The following COL14A1 variants were observed in gnomAD, a reference collection of about 807,000 sequenced individuals.
The protein encoded by COL14A1 is collagen alpha-1(XIV) chain.
In COL14A1, 136 loss-of-function variants were observed where a neutral mutation model predicts 230.3. The ratio of observed to expected loss-of-function variants is 0.59; its 90% CI spans 0.51 to 0.68. COL14A1 has a LOEUF of 0.68. Among genes scored for constraint, COL14A1 ranks in the 30% least tolerant of loss-of-function variants. The pLI is 0.00. For missense variants in COL14A1, 1,976 were observed against 2,215.8 expected (o/e 0.89, Z 2.17); for synonymous variants, 792 against 784.1 (o/e 1.01, Z -0.17).
chr8:120,345,246 A>G (rs995731315), intron 44 of COL14A1, 129 bp from the exon 45 acceptor site: 2 of 760,502 alleles, frequency 2.6e-6, no homozygotes, highest in Non-Finnish European at 2.1e-6. Flanking sequence ...ACATATTTCA[A>G]AGGGGTGTGA....
At chr8:120,228,825 T>C in intron 18 of COL14A1, 56 bp downstream of exon 18, 1 of 1,397,874 alleles carries the variant, frequency 7.2e-7, no homozygotes, top group East Asian at 2.3e-5. Flanking sequence ...TAAACAGATG[T>C]TATATTATCC....
Position 120,269,939 on chromosome 8 carries a change from T to C in COL14A1, c.3074-96T>C, listed in dbSNP as rs563088738. 9 of 1,304,548 alleles carry C rather than the reference T, an allele frequency of 6.9e-6. No homozygotes were observed. In the East Asian group the frequency reaches 2.1e-4, roughly 30 times the overall value. The allele number at this position is 1,304,548 out of a possible 1,614,324, so 80.8% of individuals were successfully genotyped here. On this transcript the variant is annotated intron_variant, in intron 25 of 47. Coordinates refer to ENST00000297848, the MANE Select transcript of COL14A1 (RefSeq NM_021110.4). ...TATATCTTTCCTTTGAAAAAGAGCT[T>C]CACTTAGCAGAGGGCAACCATTATT...
chr8:120,287,178 G>A (rs146165971), intron 33 of COL14A1, among the ~76,000 whole-genome samples: 31 of 150,192 alleles, frequency 2.1e-4, no homozygotes, highest in Middle Eastern at 3.4e-3. Flanking sequence ...TTTGAATATC[G>A]TAATTGCATA....
chr8:120,194,718 G>A (rs1816965400), intron 5 of COL14A1, among the ~76,000 whole-genome samples: 1 of 151,912 alleles, frequency 6.6e-6, no homozygotes, highest in South Asian at 2.1e-4. Flanking sequence ...TATCCACATG[G>A]TTCCCAATTA....
chr8:120,302,755 G>GT (rs1262347120), intron 36 of COL14A1, among the ~76,000 whole-genome samples: 2 of 152,234 alleles, frequency 1.3e-5, no homozygotes, highest in South Asian at 4.1e-4. Flanking sequence ...TTTTAAAATA[G>GT]TTTTTTTCTA....
intron 23 of COL14A1, among the ~76,000 whole-genome samples, chr8:120,261,830 A>G (rs1819337100): frequency 6.6e-6 from 1 of 151,520 alleles, no homozygotes. Flanking sequence ...GATGCAGGGC[A>G]TTTGGAGAGG....
Position 120,250,768 on chromosome 8 carries a change from T to A in COL14A1, c.2752+2T>A, listed in dbSNP as rs1428243380. 2 of 1,613,832 alleles carry A rather than the reference T, an allele frequency of 1.2e-6. No homozygotes were observed. Among genetic ancestry groups the A allele is most frequent in the Non-Finnish European group, 1.7e-6 (2 of 1,179,956 alleles). On this transcript the variant is annotated splice_donor_variant, in intron 22 of 47. Coordinates refer to ENST00000297848, the MANE Select transcript of COL14A1 (RefSeq NM_021110.4). LOFTEE classifies it high-confidence loss of function. ...CCCTGACAGGCATGGTGAAAACATG[T>A]AAGAGCCATTTCCGATGGCCTCAGC...
intron 33 of COL14A1, 38 bp from the exon 34 acceptor site, chr8:120,289,570 C>T (rs755193200): frequency 2.5e-6 from 4 of 1,584,244 alleles, no homozygotes; most frequent in African/African-American, 2.7e-5. Flanking sequence ...ATATTTCCTT[C>T]TGTTTCTTAC....
At chr8:120,172,231 A>G (rs1816117061) in intron 5 of COL14A1, among the ~76,000 whole-genome samples, 1 of 152,110 alleles carries the variant, frequency 6.6e-6, no homozygotes, top group African/African-American at 2.4e-5. Context: ...GCTCACTGCA[A>G]CTTATGCGTC....
At chr8:120,302,174 A>G (rs1303427243) in intron 36 of COL14A1, among the ~76,000 whole-genome samples, 3 of 152,054 alleles carry the variant, frequency 2.0e-5, no homozygotes, top group Non-Finnish European at 4.4e-5. Flanking sequence ...ATTTTCTTCC[A>G]TTCTGTAGGT....
intron 12 of COL14A1, among the ~76,000 whole-genome samples, chr8:120,211,118 T>C (rs116710906): frequency 0.015 from 2,255 of 152,296 alleles, 61 homozygotes; most frequent in African/African-American, 0.052. Flanking sequence ...CTTTGGAGGA[T>C]ATTTTGAAAT....
At chr8:120,274,519 A>G (rs1819779102) in intron 26 of COL14A1, among the ~76,000 whole-genome samples, 1 of 151,844 alleles carries the variant, frequency 6.6e-6, no homozygotes, top group South Asian at 2.1e-4. Context: ...TCCAAACTGG[A>G]AAAGAAGAAG....
At chr8:120,302,898 T>A (rs1463183564) in intron 36 of COL14A1, among the ~76,000 whole-genome samples, 1 of 152,202 alleles carries the variant, frequency 6.6e-6, no homozygotes, top group African/African-American at 2.4e-5. Context: ...CATTTGTTTA[T>A]GTCATCTCTG....
intron 40 of COL14A1, among the ~76,000 whole-genome samples, chr8:120,328,877 G>A (rs148352656): frequency 5.1e-4 from 78 of 152,168 alleles, no homozygotes; most frequent in African/African-American, 1.7e-3. Context: ...TTCCCCTCTG[G>A]ACACAGCCGA....
intron 2 of COL14A1, among the ~76,000 whole-genome samples, chr8:120,149,026 T>C (rs1815186032): frequency 6.6e-6 from 1 of 152,190 alleles, no homozygotes; most frequent in African/African-American, 2.4e-5. Context: ...AAACTATGTG[T>C]CCCGCAAAGC....
rs1418664800 is a variant in COL14A1, at chr8:120,372,913, A to G, written c.*1682A>G. Among the ~76,000 whole-genome samples, 1 of 152,118 alleles carries G rather than the reference A, an allele frequency of 6.6e-6. No individual in the cohort carries two copies. The highest frequency in any genetic ancestry group is 1.5e-5 in the Non-Finnish European group (1 of 68,034). On this transcript the variant is annotated 3_prime_UTR_variant, in exon 48 of 48. Transcript: ENST00000297848. ...GATAATGAGCAGATAATCAGCAGCC[A>G]TTTCCTTTCAGTTATGGTATATGAT...
chr8:120,347,872 C>G (rs1403751647), intron 45 of COL14A1, among the ~76,000 whole-genome samples: 1 of 151,796 alleles, frequency 6.6e-6, no homozygotes, highest in Non-Finnish European at 1.5e-5. Flanking sequence ...AGTACTATTA[C>G]CAGGCAGTGT....
chr8:120,332,331 T>C, intron 41 of COL14A1, 137 bp downstream of exon 41: 2 of 787,114 alleles, frequency 2.5e-6, no homozygotes, highest in South Asian at 1.8e-5. Flanking sequence ...GATAGAGAAC[T>C]CTCCCTAAAA....
At chr8:120,247,264 A>G (rs1386966914) in intron 20 of COL14A1, among the ~76,000 whole-genome samples, 2 of 152,202 alleles carry the variant, frequency 1.3e-5, no homozygotes, top group African/African-American at 4.8e-5. Flanking sequence ...TCTACTAAAA[A>G]TACAAAAAAT....
Sources: gnomAD v4.1 joint callset for allele counts (sites outside exome capture counted in the v4.1 genomes callset) on GRCh38, gnomAD v4.1.1 for gene constraint, MANE v1.5 for transcripts, NCBI Gene and HGNC (gene_info 2026-07-23, HGNC 2026-07-21) for gene names.